CLSTN2: variants seen among roughly 807,000 people sequenced by gnomAD.
The protein encoded by CLSTN2 is calsyntenin-2.
Under a neutral mutation model 101.2 loss-of-function variants are expected in CLSTN2, and 48 were observed. The observed-to-expected ratio is 0.47, with a 90% CI of 0.38 to 0.60. The LOEUF (loss-of-function observed/expected upper bound fraction) is 0.60. Ranked by LOEUF, CLSTN2 falls within the 20% of genes least tolerant of loss-of-function variation. The probability of loss-of-function intolerance (pLI) is 0.00; values close to 1 mark genes in which losing one functional copy is unlikely to be tolerated. For missense variants in CLSTN2, 1,160 were observed against 1,238.2 expected, an observed-to-expected ratio of 0.94 and a Z score of 0.95; for synonymous variants, 481 against 463.6, an observed-to-expected ratio of 1.04 and a Z score of -0.48.
intron 1 of CLSTN2, among the ~76,000 whole-genome samples, chr3:139,988,909 C>T (rs751104624): frequency 6.6e-6 from 1 of 152,126 alleles, no homozygotes; most frequent in South Asian, 2.1e-4. Context: ...CTTAGTCACT[C>T]CCAGTAAGCC....
chr3:140,354,162 C>A (rs908404091), intron 2 of CLSTN2, among the ~76,000 whole-genome samples: 1 of 152,090 alleles, frequency 6.6e-6, no homozygotes, highest in Non-Finnish European at 1.5e-5. Flanking sequence ...GTATGAAAGA[C>A]CCTTCTGAAA....
chr3:140,426,375 G>A (rs1230658902), intron 5 of CLSTN2, among the ~76,000 whole-genome samples: 2 of 152,204 alleles, frequency 1.3e-5, no homozygotes, highest in Admixed American at 6.5e-5. Flanking sequence ...AAAACATACA[G>A]TGTTTGGTTT....
intron 2 of CLSTN2, among the ~76,000 whole-genome samples, chr3:140,198,849 G>C (rs1454320191): frequency 1.3e-5 from 2 of 152,174 alleles, no homozygotes; most frequent in Non-Finnish European, 2.9e-5. Context: ...GCAATTCCCT[G>C]TTCTGAATAA....
chr3:140,014,066 C>T lies in CLSTN2; in HGVS notation c.109+78583C>T, dbSNP rs368691017. On this transcript the variant is annotated intron_variant, in intron 1 of 16. Coordinates refer to ENST00000458420, the MANE Select transcript of CLSTN2 (RefSeq NM_022131.3). ...TGATGCCATTTTCCAATTCCATAGC[C>T]AAGAGGACCTCAGGTCTGTTGCTGA... 3.7e-4 allele frequency among the ~76,000 whole-genome samples: 57 copies of T among 152,260 alleles called. No homozygotes were observed. The South Asian group carries it at 0.011, about 30-fold the overall frequency.
chr3:140,236,655 A>G (rs2086419668), intron 2 of CLSTN2, among the ~76,000 whole-genome samples: 1 of 151,996 alleles, frequency 6.6e-6, no homozygotes. Context: ...CTATTCACTT[A>G]ATTTTTCAGT....
At chr3:140,118,592 T>G (rs980297753) in intron 1 of CLSTN2, among the ~76,000 whole-genome samples, 10 of 152,022 alleles carry the variant, frequency 6.6e-5, no homozygotes, top group Non-Finnish European at 1.3e-4. Context: ...CTGCCTAACC[T>G]CTCTTGGAAG....
chr3:140,313,871 T>C (rs1370270458), intron 2 of CLSTN2, among the ~76,000 whole-genome samples: 1 of 152,200 alleles, frequency 6.6e-6, no homozygotes, highest in African/African-American at 2.4e-5. Context: ...TTTGGGAATA[T>C]TGAGGGCAGG....
intron 2 of CLSTN2, among the ~76,000 whole-genome samples, chr3:140,230,254 G>A (rs2086358753): frequency 6.6e-6 from 1 of 152,082 alleles, no homozygotes; most frequent in East Asian, 1.9e-4. Flanking sequence ...TGTACTTGTT[G>A]GGAAGGTTTT....
chr3:140,310,691 C>T (rs746529695), intron 2 of CLSTN2, among the ~76,000 whole-genome samples: 1 of 152,136 alleles, frequency 6.6e-6, no homozygotes, highest in African/African-American at 2.4e-5. Context: ...TTCTAATTCA[C>T]TCCACTCTCC....
chr3:140,488,884 C>G (rs1428922793), intron 8 of CLSTN2, among the ~76,000 whole-genome samples: 1 of 151,942 alleles, frequency 6.6e-6, no homozygotes, highest in African/African-American at 2.4e-5. Context: ...TGGCTATGTG[C>G]AGGAAATACT....
intron 1 of CLSTN2, among the ~76,000 whole-genome samples, chr3:140,149,210 G>T (rs542537623): frequency 6.6e-6 from 1 of 152,268 alleles, no homozygotes; most frequent in African/African-American, 2.4e-5. Context: ...CTCCTTGAGA[G>T]TGAACAAGTA....
intron 9 of CLSTN2, among the ~76,000 whole-genome samples, chr3:140,545,291 A>C (rs901343986): frequency 7.9e-5 from 12 of 152,160 alleles, no homozygotes; most frequent in Non-Finnish European, 2.9e-5. Context: ...AAGGTGTCCC[A>C]CTGGAGCACA....
chr3:140,114,627 T>G (rs2009210467), intron 1 of CLSTN2, among the ~76,000 whole-genome samples: 1 of 152,122 alleles, frequency 6.6e-6, no homozygotes, highest in Admixed American at 6.6e-5. Flanking sequence ...TTAGTGTTTT[T>G]CTTCAAATGG....
At chr3:140,310,169 C>A (rs1340186453) in intron 2 of CLSTN2, among the ~76,000 whole-genome samples, 2 of 152,160 alleles carry the variant, frequency 1.3e-5, no homozygotes, top group Non-Finnish European at 2.9e-5. Flanking sequence ...AGTCTCCCAA[C>A]TTTTCTCCCC....
rs1377845184 is a variant in CLSTN2 at position 140,257,603 on chromosome 3, TG to T, written c.232+81531del. ...GTGTGTGTGTGTGTGTGTGTGTGTCTGCTATGAGATCACATTCTATGTACAC... is the reference window on the plus strand; with the variant it reads ...GTGTGTGTGTGTGTGTGTGTGTGTCTCTATGAGATCACATTCTATGTACAC... On this transcript the variant is annotated intron_variant, in intron 2 of 16. Coordinates refer to ENST00000458420, the MANE Select transcript of CLSTN2 (RefSeq NM_022131.3). Among the ~76,000 whole-genome samples the T allele has an allele frequency of 4.0e-5, 6 of 149,050 alleles. No individual in the cohort carries two copies. In the East Asian group the frequency reaches 1.2e-3, roughly 29 times the overall value.
chr3:140,384,270 C>G lies in CLSTN2; in HGVS notation c.233-19359C>G, dbSNP rs146472013. Reference sequence around the variant, plus strand: ...TCCACTCCACCATTTCATTCCTGCTCCAGCTGATTTCCTAGCAAATAATCG... The same window carrying G: ...TCCACTCCACCATTTCATTCCTGCTGCAGCTGATTTCCTAGCAAATAATCG... On this transcript the variant is annotated intron_variant, in intron 2 of 16. Coordinates refer to ENST00000458420, the MANE Select transcript of CLSTN2 (RefSeq NM_022131.3). Among the ~76,000 whole-genome samples, 217 of 152,336 alleles carry G rather than the reference C, an allele frequency of 1.4e-3. 2 individuals carry two copies. The highest frequency in any genetic ancestry group is 5.0e-3 in the African/African-American group (209 of 41,588).
At position 139,955,112 on chromosome 3, in the gene CLSTN2, C is replaced by CTATATATATATATATATATATATATATA. The variant is rs58418059; in HGVS notation, c.109+19656_109+19657insATATATATATATATATATATATATATAT. 2.1e-4 allele frequency among the ~76,000 whole-genome samples: 15 copies of CTATATATATATATATATATATATATATA among 71,544 alleles called. 2 individuals carry two copies. The highest frequency in any genetic ancestry group is 3.0e-4 in the Non-Finnish European group (12 of 39,782). 46.9% of individuals were successfully genotyped at this position (71,544 alleles called of 152,430 possible). A position where few individuals can be genotyped will look rare whatever the true frequency, so the allele number is the denominator to read the frequency against. ...CATACATGTATATATGGCAATATTG[C>CTATATATATATATATATATATATATATA]TATATATATATATATATATATATAT... is the stretch of plus-strand genomic sequence containing the variant. On this transcript the variant is annotated intron_variant, in intron 1 of 16. Coordinates refer to ENST00000458420, the MANE Select transcript of CLSTN2 (RefSeq NM_022131.3).
intron 2 of CLSTN2, among the ~76,000 whole-genome samples, chr3:140,391,230 C>T (rs969068755): frequency 7.9e-5 from 12 of 152,146 alleles, no homozygotes; most frequent in African/African-American, 2.9e-4. Flanking sequence ...CACGCTGTAC[C>T]ACGGGGTTGC....
At chr3:140,280,469 A>G (rs367838384) in intron 2 of CLSTN2, among the ~76,000 whole-genome samples, 23 of 152,326 alleles carry the variant, frequency 1.5e-4, no homozygotes, top group South Asian at 6.2e-4. Flanking sequence ...AGCAAGAGGC[A>G]GCTAGGACTA....
Sources: gnomAD v4.1 joint callset for allele counts (sites outside exome capture counted in the v4.1 genomes callset) on GRCh38, gnomAD v4.1.1 for gene constraint, MANE v1.5 for transcripts, NCBI Gene and HGNC (gene_info 2026-07-23, HGNC 2026-07-21) for gene names.